AGAP3: variants seen among roughly 807,000 people sequenced by gnomAD.
AGAP3 encodes the protein ArfGAP with GTPase domain, ankyrin repeat and PH domain 3.
AGAP3 carries 24 observed loss-of-function variants against 96.9 expected under a neutral mutation model. The ratio of observed to expected loss-of-function variants is 0.25; its 90% CI spans 0.18 to 0.35. The LOEUF (loss-of-function observed/expected upper bound fraction) is 0.35, where lower values mean the gene tolerates loss of function less well. Ranked by LOEUF, AGAP3 falls within the 10% of genes least tolerant of loss-of-function variation. The pLI, the probability that AGAP3 is intolerant of heterozygous loss-of-function variation, is 1.00. For missense variants in AGAP3, 876 were observed against 1,254.2 expected, an observed-to-expected ratio of 0.70 and a Z score of 4.55; for synonymous variants, 563 against 536.1, an observed-to-expected ratio of 1.05 and a Z score of -0.69.
chr7:151,138,097 T>A, intron 11 of AGAP3, 46 bp from the exon 12 acceptor site: 2 of 1,417,962 alleles, frequency 1.4e-6, no homozygotes, highest in Non-Finnish European at 9.7e-7. Context: ...TTGAGAATCC[T>A]CCCCTGCCCG....
In AGAP3 at chr7:151,141,749, TC is replaced by T. The variant is rs1239168574; in HGVS notation, c.1805-147del. The T allele has an allele frequency of 1.2e-5, 11 of 948,602 alleles. No individual in the cohort carries two copies. The highest frequency in any genetic ancestry group is 1.5e-5 in the Non-Finnish European group (9 of 610,332). 58.8% of individuals were successfully genotyped at this position (948,602 alleles called of 1,614,324 possible). On this transcript the variant is annotated intron_variant, in intron 13 of 17. Transcript: ENST00000397238. This position sits in a 1 kb window ranked among gnomAD's most constrained non-coding sequence, Gnocchi z 4.2. ...TACTCTGGCCTCCCCCTGCAAGCTGTCCTGGAGTGTGTGGCCTTGCAGCTGG... is the reference window on the plus strand; with the variant it reads ...TACTCTGGCCTCCCCCTGCAAGCTGTCTGGAGTGTGTGGCCTTGCAGCTGG...
At position 151,096,974 on chromosome 7, in the gene AGAP3, G is replaced by A. The variant is rs991842751; in HGVS notation, c.331+9902G>A. ...TAATTTTTGTATTTTTTGTAGAGACGGGGTTTTACCATGTTGGCCAGGGTG... is the reference window on the plus strand; with the variant it reads ...TAATTTTTGTATTTTTTGTAGAGACAGGGTTTTACCATGTTGGCCAGGGTG... On this transcript the variant is annotated intron_variant, in intron 1 of 17. Transcript: ENST00000397238. This position sits in a 1 kb window ranked among gnomAD's most constrained non-coding sequence, Gnocchi z 4.4. Among the ~76,000 whole-genome samples, 7 of 151,324 alleles carry A rather than the reference G, an allele frequency of 4.6e-5. No homozygotes were observed. Among genetic ancestry groups the A allele is most frequent in the African/African-American group, 7.3e-5 (3 of 41,162 alleles).
rs1800794391 is a variant in AGAP3, at chr7:151,141,072, G to C, written c.1805-826G>C. On this transcript the variant is annotated intron_variant, in intron 13 of 17. Coordinates refer to ENST00000397238, the MANE Select transcript of AGAP3 (RefSeq NM_031946.7). This position sits in a 1 kb window ranked among gnomAD's most constrained non-coding sequence, Gnocchi z 4.2. ...AGCAGAGATGGCCTTGGCAGAACTG[G>C]GGTTCACCCTGGGGCCTTACCACAG... 1.3e-5 allele frequency: 2 copies of C among 152,162 alleles called. No individual in the cohort carries two copies. Among genetic ancestry groups the C allele is most frequent in the African/African-American group, 4.8e-5 (2 of 41,396 alleles). 9.4% of individuals were successfully genotyped at this position (152,162 alleles called of 1,614,324 possible).
Position 151,143,533 on chromosome 7 carries a change from G to A in AGAP3, c.2466G>A (p.Gly822=). ...ATGAGACCTATGGGGACGGGGACGG[G>A]CGGACGGCTCTACATCTCTCCAGTG... ...EVNETYGDGD[G]RTALHLSSAM... is the part of the protein sequence containing the mutation. The change falls in exon 17 of 18, where the codon GGG becomes GGA. Residue 822 remains glycine, a synonymous_variant. Transcript: ENST00000397238. This position sits in a 1 kb window ranked among gnomAD's most constrained non-coding sequence, Gnocchi z 5.9. 21 of 1,614,048 alleles carry A rather than the reference G, an allele frequency of 1.3e-5. No individual in the cohort carries two copies. Among genetic ancestry groups the A allele is most frequent in the Non-Finnish European group, 1.7e-5 (20 of 1,179,944 alleles).
chr7:151,087,159 C>A, intron 1 of AGAP3, 87 bp downstream of exon 1: 1 of 1,407,016 alleles, frequency 7.1e-7, no homozygotes, highest in Non-Finnish European at 9.8e-7. Flanking sequence ...CCTGGCCATG[C>A]TCTCCCTGTC....
At chr7:151,100,205 C>G (rs886919405) in intron 1 of AGAP3, among the ~76,000 whole-genome samples, 5 of 152,178 alleles carry the variant, frequency 3.3e-5, no homozygotes, top group African/African-American at 9.7e-5. Context: ...ATTTCGTGCT[C>G]CCCCAGCTGC....
intron 1 of AGAP3, chr7:151,115,694 A>C: frequency 9.4e-7 from 1 of 1,069,062 alleles, no homozygotes; most frequent in Non-Finnish European, 1.1e-6. Flanking sequence ...GCGGGAGAAA[A>C]GCCGGACGCG....
chr7:151,123,048 C>G, intron 8 of AGAP3: 1 of 1,303,266 alleles, frequency 7.7e-7, no homozygotes, highest in East Asian at 3.5e-5. Context: ...GCCCCACGCC[C>G]GGCGCTGGCC....
chr7:151,111,730 G>A (rs1227362627), intron 1 of AGAP3, among the ~76,000 whole-genome samples: 1 of 152,168 alleles, frequency 6.6e-6, no homozygotes, highest in Admixed American at 6.5e-5. Context: ...TCTGGCTCCG[G>A]GGCAGGCTGT....
chr7:151,134,522 C>T lies in AGAP3; in HGVS notation c.1449C>T (p.Asn483=), dbSNP rs561941160. 2.0e-5 allele frequency: 32 copies of T among 1,613,122 alleles called. No individual in the cohort carries two copies. The highest frequency in any genetic ancestry group is 1.1e-4 in the African/African-American group (8 of 75,052). Residue 483 remains asparagine, a synonymous_variant, in exon 11 of 18, where the codon AAC becomes AAT. Coordinates refer to ENST00000397238, the MANE Select transcript of AGAP3 (RefSeq NM_031946.7). ...CCCCGGGCACCAGCCCCCGTGCCAACGGGCTGTCCGTGGAGCGGAGTAACA... is the reference window on the plus strand; with the variant it reads ...CCCCGGGCACCAGCCCCCGTGCCAATGGGCTGTCCGTGGAGCGGAGTAACA... ...ATAPGTSPRA[N]GLSVERSNTQ... is the part of the protein sequence containing the mutation.
chr7:151,122,714 G>A (rs769262330), intron 8 of AGAP3: 18 of 1,613,560 alleles, frequency 1.1e-5, no homozygotes, highest in East Asian at 2.2e-5. Context: ...TTATTCTTTC[G>A]ATATTTGCAG....
Position 151,138,143 on chromosome 7 carries a change from G to C in AGAP3, c.1496G>C (p.Gly499Ala). ...RSNTQLGGGT[G>A]APHSASSASL... ...CCAGTCTGACCCTTCCCGCCCCCAG[G>C]TGCCCCCCACTCGGCCAGCAGCGCA... is the stretch of plus-strand genomic sequence containing the variant. The change falls in exon 12 of 18, where the codon GGT (glycine) becomes GCT (alanine). Residue 499 changes from glycine to alanine, a missense_variant and splice_region_variant. Physicochemically the swap from Gly to Ala is moderately conservative, Grantham distance 60. Around this residue, in one of 8 missense-constraint regions of AGAP3, gnomAD observed 155 missense variants for 144.4 expected, o/e 1.07. Transcript: ENST00000397238. 1 of 1,592,634 alleles carries C rather than the reference G, an allele frequency of 6.3e-7. No homozygotes were observed. The highest frequency in any genetic ancestry group is 1.3e-5 in the African/African-American group (1 of 74,502).
intron 11 of AGAP3, chr7:151,137,854 G>A (rs1270272519): frequency 1.7e-5 from 8 of 464,302 alleles, no homozygotes; most frequent in East Asian, 1.2e-4. Flanking sequence ...CACCCAGCTC[G>A]TTCCACAAGT....
In AGAP3 at chr7:151,116,669, G is replaced by T. The variant is rs1038444729; in HGVS notation, c.332-124G>T. On this transcript the variant is annotated intron_variant, in intron 1 of 17. Coordinates refer to ENST00000397238, the MANE Select transcript of AGAP3 (RefSeq NM_031946.7). ...ACTAGGGGTGAGGGTTGGGGGTCCC[G>T]TGGAGGAAGCTGCTGTCCTCTGGCC... The T allele has an allele frequency of 1.7e-5, 18 of 1,062,392 alleles. No individual in the cohort carries two copies. In the East Asian group the frequency reaches 4.0e-4, roughly 24 times the overall value. 65.8% of individuals were successfully genotyped at this position (1,062,392 alleles called of 1,614,324 possible). A position where few individuals can be genotyped will look rare whatever the true frequency, so the allele number is the denominator to read the frequency against.
rs374158769 is a variant in AGAP3 at position 151,133,780 on chromosome 7, G to A, written c.1327-620G>A. 3.9e-5 allele frequency among the ~76,000 whole-genome samples: 6 copies of A among 152,304 alleles called. No homozygotes were observed. The highest frequency in any genetic ancestry group is 2.1e-4 in the South Asian group (1 of 4,830). On this transcript the variant is annotated intron_variant, in intron 10 of 17. Coordinates refer to ENST00000397238, the MANE Select transcript of AGAP3 (RefSeq NM_031946.7). The surrounding 1 kb of genome is among the most constrained non-coding windows in gnomAD (Gnocchi z 5.4). ...GTAGGATGGTAAATACCCTGCACGCGACAGGCAGATGACATGACGGCGATG... is the reference window on the plus strand; with the variant it reads ...GTAGGATGGTAAATACCCTGCACGCAACAGGCAGATGACATGACGGCGATG...
chr7:151,090,239 G>GC (rs1338299023), intron 1 of AGAP3: 1 of 148,370 alleles, frequency 6.7e-6, no homozygotes, highest in Non-Finnish European at 1.5e-5. Context: ...TCCCAGATGG[G>GC]GGGGGGGGGC....
chr7:151,111,729 G>A (rs1347631274), intron 1 of AGAP3, among the ~76,000 whole-genome samples: 1 of 152,148 alleles, frequency 6.6e-6, no homozygotes, highest in Non-Finnish European at 1.5e-5. Context: ...CTCTGGCTCC[G>A]GGGCAGGCTG....
rs79534166 is a variant in AGAP3, at chr7:151,107,183, A to G, written c.332-9610A>G. On this transcript the variant is annotated intron_variant, in intron 1 of 17. Transcript: ENST00000397238. Reference sequence around the variant, plus strand: ...AATTTAGCCGGATGTGGTGGCACGCACCTGTAATCCCAGCTACTCGGGAGG... The same window carrying G: ...AATTTAGCCGGATGTGGTGGCACGCGCCTGTAATCCCAGCTACTCGGGAGG... Among the ~76,000 whole-genome samples, 2,602 of 151,854 alleles carry G rather than the reference A, an allele frequency of 0.017. 120 individuals are homozygous for G. In the East Asian group the frequency reaches 0.19, roughly 11 times the overall value.
chr7:151,122,935 C>T, intron 8 of AGAP3: 3 of 1,451,846 alleles, frequency 2.1e-6, no homozygotes, highest in Non-Finnish European at 2.7e-6. Flanking sequence ...ACTAACCCCA[C>T]CCCCAGGGAA....
Sources: gnomAD v4.1 joint callset for allele counts (sites outside exome capture counted in the v4.1 genomes callset) on GRCh38, gnomAD v4.1.1 for gene constraint, gnomAD v4.1.1 regional missense constraint, Gnocchi (gnomAD v3.1) non-coding constraint, MANE v1.5 for transcripts, NCBI Gene and HGNC (gene_info 2026-07-23, HGNC 2026-07-21) for gene names.